FAM83B: variants seen among roughly 807,000 people sequenced by gnomAD.
The protein encoded by FAM83B is protein FAM83B.
Under a neutral mutation model 38.8 loss-of-function variants are expected in FAM83B, and 26 were observed. The ratio of observed to expected loss-of-function variants is 0.67; its 90% CI spans 0.49 to 0.93. The LOEUF (loss-of-function observed/expected upper bound fraction) is 0.93, where lower values mean the gene tolerates loss of function less well. Ranked by LOEUF, FAM83B falls within the 40% of genes least tolerant of loss-of-function variation. The pLI is 0.00. For missense variants in FAM83B, 1,237 were observed against 1,197.3 expected, an observed-to-expected ratio of 1.03 and a Z score of -0.49; for synonymous variants, 419 against 423.1, an observed-to-expected ratio of 0.99 and a Z score of 0.12.
chr6:54,923,770 A>G (rs1169918703), intron 2 of FAM83B, among the ~76,000 whole-genome samples: 1 of 151,970 alleles, frequency 6.6e-6, no homozygotes, highest in Non-Finnish European at 1.5e-5. Context: ...CTCCCCCAGC[A>G]GCATCTGCAC....
chr6:54,919,291 G>A (rs982558630), intron 2 of FAM83B, among the ~76,000 whole-genome samples: 1 of 151,928 alleles, frequency 6.6e-6, no homozygotes, highest in African/African-American at 2.4e-5. Flanking sequence ...TCCTTAAATT[G>A]GACAAAGGTA....
intron 2 of FAM83B, among the ~76,000 whole-genome samples, chr6:54,898,235 C>T (rs2127581720): frequency 6.6e-6 from 1 of 152,202 alleles, no homozygotes; most frequent in South Asian, 2.1e-4. Flanking sequence ...CTGCCCATTG[C>T]TATTTTCTGA....
intron 2 of FAM83B, among the ~76,000 whole-genome samples, chr6:54,872,992 G>GT (rs34860321): frequency 0.88 from 130,639 of 148,380 alleles, 58,237 homozygotes; most frequent in East Asian, 1. Context: ...GGTGCACATG[G>GT]TTTTTGTTTT....
chr6:54,875,218 A>G (rs1275158386), intron 2 of FAM83B, among the ~76,000 whole-genome samples: 2 of 152,102 alleles, frequency 1.3e-5, no homozygotes, highest in African/African-American at 4.8e-5. Context: ...GATTATTTTG[A>G]TATGTTATAT....
At chr6:54,938,677 A>G (rs1773580191) in intron 4 of FAM83B, among the ~76,000 whole-genome samples, 1 of 151,966 alleles carries the variant, frequency 6.6e-6, no homozygotes, top group East Asian at 1.9e-4. Context: ...TCTATTGAGA[A>G]TTGTCTATTC....
chr6:54,877,582 C>T (rs1457618261), intron 2 of FAM83B, among the ~76,000 whole-genome samples: 1 of 152,188 alleles, frequency 6.6e-6, no homozygotes, highest in Non-Finnish European at 1.5e-5. Flanking sequence ...CTGGAACTCA[C>T]ATCTGATTTT....
At chr6:54,912,025 C>A (rs541508158) in intron 2 of FAM83B, among the ~76,000 whole-genome samples, 2 of 151,648 alleles carry the variant, frequency 1.3e-5, no homozygotes, top group Non-Finnish European at 2.9e-5. Context: ...TATGTTTTGC[C>A]CTCTTTGTCT....
At position 54,866,201 on chromosome 6, in the gene FAM83B, G is replaced by GT. The variant is rs113878349; in HGVS notation, c.-60-3974dup. On this transcript the variant is annotated intron_variant, in intron 1 of 4. Coordinates refer to ENST00000306858, the MANE Select transcript of FAM83B (RefSeq NM_001010872.3). Reference sequence around the variant, plus strand: ...TGAACTCTTATCTTGTGTGCTATAGGTTTTTTTTTTTTCTATCTAAGTCTC... The same window carrying GT: ...TGAACTCTTATCTTGTGTGCTATAGGTTTTTTTTTTTTTCTATCTAAGTCTC... 8.7e-3 allele frequency among the ~76,000 whole-genome samples: 1,250 copies of GT among 144,340 alleles called. 7 individuals carry two copies. The highest frequency in any genetic ancestry group is 0.026 in the African/African-American group (1,037 of 39,770). The allele number at this position is 144,340 out of a possible 152,430, so 94.7% of individuals were successfully genotyped here.
chr6:54,926,602 G>T, intron 3 of FAM83B, 67 bp downstream of exon 3: 10 of 1,238,768 alleles, frequency 8.1e-6, no homozygotes, highest in Non-Finnish European at 1.1e-5. Context: ...CAAATGTAAG[G>T]CATCTTAAGG....
intron 2 of FAM83B, among the ~76,000 whole-genome samples, chr6:54,894,959 T>A (rs184414424): frequency 3.1e-4 from 47 of 152,318 alleles, no homozygotes; most frequent in Non-Finnish European, 4.7e-4. Context: ...AGTCTTTCAT[T>A]TGATCTTTGA....
intron 4 of FAM83B, among the ~76,000 whole-genome samples, chr6:54,932,756 T>C (rs1227519289): frequency 6.6e-6 from 1 of 152,136 alleles, no homozygotes; most frequent in Non-Finnish European, 1.5e-5. Context: ...TCAGTGTTTT[T>C]CTTGTAGCTC....
At chr6:54,893,482 T>C (rs1456663048) in intron 2 of FAM83B, among the ~76,000 whole-genome samples, 1 of 152,176 alleles carries the variant, frequency 6.6e-6, no homozygotes, top group Non-Finnish European at 1.5e-5. Context: ...GTTATCTGTT[T>C]AGTATCTTAA....
intron 4 of FAM83B, among the ~76,000 whole-genome samples, chr6:54,934,746 A>G (rs1210961909): frequency 1.3e-5 from 2 of 152,128 alleles, no homozygotes; most frequent in Non-Finnish European, 2.9e-5. Flanking sequence ...TGGGAAAGGA[A>G]AGAGTAGGGA....
At chr6:54,869,000 G>A (rs913518550) in intron 1 of FAM83B, among the ~76,000 whole-genome samples, 10 of 152,138 alleles carry the variant, frequency 6.6e-5, no homozygotes, top group Non-Finnish European at 1.3e-4. Context: ...ACACAATGGA[G>A]ATCATGACTT....
At chr6:54,855,493 A>G (rs1771426361) in intron 1 of FAM83B, among the ~76,000 whole-genome samples, 1 of 152,234 alleles carries the variant, frequency 6.6e-6, no homozygotes, top group African/African-American at 2.4e-5. Flanking sequence ...ATCTCAATAT[A>G]TTATCTGAGA....
At chr6:54,905,913 C>G (rs1384096449) in intron 2 of FAM83B, among the ~76,000 whole-genome samples, 1 of 151,882 alleles carries the variant, frequency 6.6e-6, no homozygotes, top group Non-Finnish European at 1.5e-5. Context: ...ATTAGAAGAA[C>G]AAAATCCCAC....
At chr6:54,907,827 AT>A (rs968834240) in intron 2 of FAM83B, among the ~76,000 whole-genome samples, 1 of 152,124 alleles carries the variant, frequency 6.6e-6, no homozygotes, top group African/African-American at 2.4e-5. Context: ...AAGCTAATAC[AT>A]TTTTTATATT....
At chr6:54,918,115 C>T (rs1314117620) in intron 2 of FAM83B, among the ~76,000 whole-genome samples, 2 of 152,078 alleles carry the variant, frequency 1.3e-5, no homozygotes, top group Non-Finnish European at 2.9e-5. Context: ...TATTTTGATA[C>T]TCATTCCTAA....
At chr6:54,896,708 C>T (rs986772319) in intron 2 of FAM83B, among the ~76,000 whole-genome samples, 1 of 152,082 alleles carries the variant, frequency 6.6e-6, no homozygotes, top group Non-Finnish European at 1.5e-5. Context: ...TTAAATAATA[C>T]TAAATTTAAA....
Sources: gnomAD v4.1 joint callset for allele counts (sites outside exome capture counted in the v4.1 genomes callset) on GRCh38, gnomAD v4.1.1 for gene constraint, MANE v1.5 for transcripts, NCBI Gene and HGNC (gene_info 2026-07-23, HGNC 2026-07-21) for gene names.